Variants in PTPRG observed in about 807,000 individuals in gnomAD.
PTPRG encodes protein tyrosine phosphatase receptor type G.
PTPRG carries 102 observed loss-of-function variants against 165.3 expected under a neutral mutation model. The ratio of observed to expected loss-of-function variants is 0.62; its 90% CI spans 0.53 to 0.73. PTPRG has a LOEUF of 0.73. Among genes scored for constraint, PTPRG ranks in the 30% least tolerant of loss-of-function variants. PTPRG has a pLI of 0.00. For missense variants in PTPRG, 1,866 were observed against 1,861.4 expected, an observed-to-expected ratio of 1.00 and a Z score of -0.05; for synonymous variants, 675 against 669.5, an observed-to-expected ratio of 1.01 and a Z score of -0.13.
At chr3:61,742,655 T>C in intron 1 of PTPRG, 1 of 1,605,202 alleles carries the variant, frequency 6.2e-7, no homozygotes, top group East Asian at 2.2e-5. Flanking sequence ...ATTGTGGACT[T>C]CACCTCACCC....
At chr3:62,199,346 C>G (rs1700042552) in intron 10 of PTPRG, among the ~76,000 whole-genome samples, 1 of 152,152 alleles carries the variant, frequency 6.6e-6, no homozygotes, top group South Asian at 2.1e-4. Context: ...GTTGCAAACT[C>G]TGGCATCCAT....
rs1449226142 is a variant in PTPRG, at chr3:62,224,735, A to T, written c.2288+5752A>T. Among the ~76,000 whole-genome samples, 2 of 152,308 alleles carry T rather than the reference A, an allele frequency of 1.3e-5. No homozygotes were observed. The highest frequency in any genetic ancestry group is 3.4e-3 in the Middle Eastern group (1 of 294). The stretch of plus-strand genomic sequence containing the variant: ...CTGAGAGACCTCAGACATCAGTCTC[A>T]TCGGGGACTATTTGAGCAGTGTTTT... On this transcript the variant is annotated intron_variant, in intron 13 of 29. Coordinates refer to ENST00000474889, the MANE Select transcript of PTPRG (RefSeq NM_002841.4). This position sits in a 1 kb window ranked among gnomAD's most constrained non-coding sequence, Gnocchi z 4.9.
At chr3:61,682,182 A>C (rs1287246712) in intron 1 of PTPRG, among the ~76,000 whole-genome samples, 2 of 151,192 alleles carry the variant, frequency 1.3e-5, no homozygotes, top group Non-Finnish European at 2.9e-5. Context: ...ACTGGTAATG[A>C]GAAATGAATT....
chr3:61,812,565 A>G (rs1386472420), intron 2 of PTPRG, among the ~76,000 whole-genome samples: 2 of 152,226 alleles, frequency 1.3e-5, no homozygotes, highest in African/African-American at 2.4e-5. Flanking sequence ...TGAAACAGAA[A>G]TGGATGCCTT....
chr3:61,991,726 A>G (rs2040895567), intron 3 of PTPRG, among the ~76,000 whole-genome samples: 1 of 152,250 alleles, frequency 6.6e-6, no homozygotes, highest in Admixed American at 6.5e-5. Context: ...GTACCACCTC[A>G]GCACCACATT....
intron 1 of PTPRG, among the ~76,000 whole-genome samples, chr3:61,674,020 G>T (rs1703127825): frequency 1.3e-5 from 2 of 151,394 alleles, no homozygotes; most frequent in African/African-American, 2.4e-5. Context: ...ATCACACACT[G>T]GCGTCTTTGT....
chr3:61,815,367 C>A (rs1273927589), intron 2 of PTPRG, among the ~76,000 whole-genome samples: 2 of 151,998 alleles, frequency 1.3e-5, no homozygotes, highest in Non-Finnish European at 2.9e-5. Flanking sequence ...CTGACTGTCA[C>A]ACTCCAGACT....
chr3:61,841,145 G>GA (rs1257868758), intron 2 of PTPRG, among the ~76,000 whole-genome samples: 1 of 151,932 alleles, frequency 6.6e-6, no homozygotes, highest in Non-Finnish European at 1.5e-5. Flanking sequence ...CTTTAACAAT[G>GA]AAAAAAGCAT....
Position 62,192,557 on chromosome 3 carries a change from C to T in PTPRG, c.1218+904C>T, listed in dbSNP as rs141627885. Among the ~76,000 whole-genome samples, 920 of 151,834 alleles carry T rather than the reference C, an allele frequency of 6.1e-3. 6 individuals carry two copies. Among genetic ancestry groups the T allele is most frequent in the African/African-American group, 0.016 (653 of 41,416 alleles). On this transcript the variant is annotated intron_variant, in intron 9 of 29. Transcript: ENST00000474889. ...CCAAGTAGCTGGGACTACATGCATCCGCCACCATGCCTGGCTAATTTTTTT... is the reference window on the plus strand; with the variant it reads ...CCAAGTAGCTGGGACTACATGCATCTGCCACCATGCCTGGCTAATTTTTTT...
chr3:62,242,764 A>G (rs1701191459), intron 14 of PTPRG, among the ~76,000 whole-genome samples: 1 of 152,186 alleles, frequency 6.6e-6, no homozygotes, highest in Admixed American at 6.5e-5. Flanking sequence ...AGCAAAGACA[A>G]CTGTGAAGAA....
intron 1 of PTPRG, among the ~76,000 whole-genome samples, chr3:61,583,230 A>C (rs565308700): frequency 6.6e-6 from 1 of 152,192 alleles, no homozygotes; most frequent in Non-Finnish European, 1.5e-5. Context: ...GTTGATACGC[A>C]TGGGAGCCAA....
In PTPRG at chr3:62,273,126, T is replaced by G. The variant is rs1702127772; in HGVS notation, c.3318+45T>G. ...GTCCTCACGACATTCTGGCAAATGC[T>G]GTAACTGAAATTTGTTAAATGATAA... is the stretch of plus-strand genomic sequence containing the variant. On this transcript the variant is annotated intron_variant, in intron 22 of 29. Transcript: ENST00000474889. The surrounding 1 kb of genome is among the most constrained non-coding windows in gnomAD (Gnocchi z 4.1). The G allele has an allele frequency of 1.1e-5, 17 of 1,549,346 alleles. No homozygotes were observed. Among genetic ancestry groups the G allele is most frequent in the Non-Finnish European group, 1.5e-5 (17 of 1,149,716 alleles).
chr3:61,695,037 T>G (rs2030484431), intron 1 of PTPRG, among the ~76,000 whole-genome samples: 1 of 151,478 alleles, frequency 6.6e-6, no homozygotes. Flanking sequence ...TGAGACAGAG[T>G]TTTGCTCTTG....
rs566530261 is a variant in PTPRG, at chr3:61,789,892, A to G, written c.190+40910A>G. On this transcript the variant is annotated intron_variant, in intron 2 of 29. Transcript: ENST00000474889. ...CTAGTCCTCTAATCTGGGGACAGTAAATTTTGTGCATGGAGTGAATTTCCA... is the reference window on the plus strand; with the variant it reads ...CTAGTCCTCTAATCTGGGGACAGTAGATTTTGTGCATGGAGTGAATTTCCA... 3.3e-5 allele frequency among the ~76,000 whole-genome samples: 5 copies of G among 152,310 alleles called. No individual in the cohort carries two copies. In the East Asian group the frequency reaches 9.7e-4, roughly 29 times the overall value.
intron 2 of PTPRG, among the ~76,000 whole-genome samples, chr3:61,893,043 A>C (rs917329397): frequency 6.6e-6 from 1 of 152,198 alleles, no homozygotes; most frequent in East Asian, 1.9e-4. Context: ...AGATGTTCTT[A>C]CATTTAGACT....
intron 2 of PTPRG, among the ~76,000 whole-genome samples, chr3:61,868,582 G>T (rs1246562801): frequency 6.6e-6 from 1 of 151,982 alleles, no homozygotes; most frequent in Non-Finnish European, 1.5e-5. Flanking sequence ...AATTTTCCTT[G>T]TGTGAGTTTG....
intron 1 of PTPRG, among the ~76,000 whole-genome samples, chr3:61,630,803 A>G (rs551927625): frequency 6.6e-6 from 1 of 152,244 alleles, no homozygotes; most frequent in South Asian, 2.1e-4. Flanking sequence ...CATGCCTGTA[A>G]TCCCAGCACT....
chr3:61,889,550 T>G (rs1325958199), intron 2 of PTPRG, among the ~76,000 whole-genome samples: 5 of 152,258 alleles, frequency 3.3e-5, no homozygotes, highest in Non-Finnish European at 7.3e-5. Flanking sequence ...GTTGCCGTGT[T>G]ATCTCCGTTA....
At chr3:61,916,009 C>G (rs2038927068) in intron 2 of PTPRG, among the ~76,000 whole-genome samples, 1 of 152,198 alleles carries the variant, frequency 6.6e-6, no homozygotes, top group East Asian at 1.9e-4. Flanking sequence ...GTAAACTATT[C>G]AACTGCTTTT....
Sources: allele counts gnomAD v4.1 joint callset (sites outside exome capture counted in the v4.1 genomes callset), GRCh38; gene constraint gnomAD v4.1.1; non-coding constraint Gnocchi (gnomAD v3.1); transcripts MANE v1.5; gene names NCBI Gene and HGNC (gene_info 2026-07-23, HGNC 2026-07-21).